SEMA4B: variants seen among roughly 807,000 people sequenced by gnomAD.
The protein encoded by SEMA4B is semaphorin 4B.
Under a neutral mutation model 88.1 loss-of-function variants are expected in SEMA4B, and 55 were observed. The observed-to-expected ratio is 0.62, with a 90% CI of 0.50 to 0.78. The LOEUF (loss-of-function observed/expected upper bound fraction) is 0.78. Ranked by LOEUF, SEMA4B falls within the 30% of genes least tolerant of loss-of-function variation. The pLI, the probability that SEMA4B is intolerant of heterozygous loss-of-function variation, is 0.00. For synonymous variants in SEMA4B, 525 were observed against 473.6 expected, an observed-to-expected ratio of 1.11 and a Z score of -1.41; for missense variants, 1,062 against 1,111.9, an observed-to-expected ratio of 0.96 and a Z score of 0.64.
rs575679583 is a variant in SEMA4B, at chr15:90,186,822, A to C, written c.-122+1741A>C. ...GTGGTGGGCGCCTGTAGTCCCAGCTACTCGCGAGGCTGAGACAGAAGAATG... is the reference window on the plus strand; with the variant it reads ...GTGGTGGGCGCCTGTAGTCCCAGCTCCTCGCGAGGCTGAGACAGAAGAATG... On this transcript the variant is annotated intron_variant, in intron 1 of 14. Transcript: ENST00000332496. Among the ~76,000 whole-genome samples the C allele has an allele frequency of 2.2e-4, 34 of 151,900 alleles. No homozygotes were observed. In the South Asian group the frequency reaches 5.6e-3, roughly 25 times the overall value.
chr15:90,228,710 A>T lies in SEMA4B; in HGVS notation c.*67A>T. On this transcript the variant is annotated 3_prime_UTR_variant, in exon 14 of 14. Transcript: ENST00000411539. ...TGAATGCTCGGAGAGGGTCAACTGGACCTCCCCTCCGCTCTGCTCTTCGTG... is the reference window on the plus strand; with the variant it reads ...TGAATGCTCGGAGAGGGTCAACTGGTCCTCCCCTCCGCTCTGCTCTTCGTG... The T allele has an allele frequency of 6.3e-7, 1 of 1,588,226 alleles. No individual in the cohort carries two copies.
intron 1 of SEMA4B, among the ~76,000 whole-genome samples, chr15:90,211,244 A>G (rs1342241011): frequency 6.6e-6 from 1 of 152,130 alleles, no homozygotes; most frequent in East Asian, 1.9e-4. Flanking sequence ...CACCCATGGC[A>G]CAGGCCCTAG....
At chr15:90,200,063 C>T (rs753283741), upstream of SEMA4B, among the ~76,000 whole-genome samples, 1 of 152,178 alleles carries the variant, frequency 6.6e-6, no homozygotes, top group Non-Finnish European at 1.5e-5. Flanking sequence ...ACCATGTCCA[C>T]AGAAGGTGAT....
rs1191958665 is a variant in SEMA4B at position 90,228,868 on chromosome 15, G to A, written c.*225G>A. 1.3e-5 allele frequency: 8 copies of A among 605,940 alleles called. No individual in the cohort carries two copies. Among genetic ancestry groups the A allele is most frequent in the Admixed American group, 1.2e-4 (4 of 32,446 alleles). The allele number at this position is 605,940 out of a possible 1,614,324, so 37.5% of individuals were successfully genotyped here. A position where few individuals can be genotyped will look rare whatever the true frequency, so the allele number is the denominator to read the frequency against. The stretch of plus-strand genomic sequence containing the variant: ...CCCCAGAGGTCCTGGCCAAATATGG[G>A]GGCCTGCCTAGGTTGGTGGAACAGT... On this transcript the variant is annotated 3_prime_UTR_variant, in exon 14 of 14. Transcript: ENST00000411539.
At chr15:90,198,677 C>T (rs2151589986), upstream of SEMA4B, among the ~76,000 whole-genome samples, 1 of 152,068 alleles carries the variant, frequency 6.6e-6, no homozygotes, top group East Asian at 1.9e-4. Context: ...GTCAAAGGCC[C>T]TGCTGGTTCG....
chr15:90,225,376 T>C lies in SEMA4B; in HGVS notation c.1500T>C (p.Asn500=), dbSNP rs1179531324. Residue 500 remains asparagine (N), a synonymous_variant, in exon 11 of 14, where the codon AAT becomes AAC. Transcript: ENST00000411539. ...QIFSSGQPVQ[N]LLLDTHRGLL... ...TCTCATCGGGACAGCCCGTGCAGAA[T>C]CTGCTCCTGGACACCCACAGGGTGA... 7 of 1,552,142 alleles carry C rather than the reference T, an allele frequency of 4.5e-6. No homozygotes were observed. Among genetic ancestry groups the C allele is most frequent in the East Asian group, 2.4e-5 (1 of 41,110 alleles).
rs374692659 is a variant in SEMA4B at position 90,221,381 on chromosome 15, A to T, written c.610A>T (p.Thr204Ser). The T allele has an allele frequency of 1.3e-6, 2 of 1,565,654 alleles. No individual in the cohort carries two copies. Among genetic ancestry groups the T allele is most frequent in the Non-Finnish European group, 1.7e-6 (2 of 1,156,210 alleles). Residue 204 changes from threonine (T) to serine (S), a missense_variant, in exon 6 of 14, where the codon ACT becomes TCT. Transcript: ENST00000411539. ...TTTCTTGGCAGATGGCGAGCTCTAC[A>T]CTGGAACAGTCAGCAGCTTCCAAGG... ...TALVVDGELY[T>S]GTVSSFQGND...
chr15:90,221,455 C>A lies in SEMA4B; in HGVS notation c.684C>A (p.Thr228=), dbSNP rs779604538. Residue 228 remains threonine (T), a synonymous_variant, in exon 6 of 14, where the codon ACC becomes ACA. Coordinates refer to ENST00000411539, the MANE Select transcript of SEMA4B (RefSeq NM_198925.4). The part of the protein sequence containing the change: ...SRSQSLRPTK[T]ESSLNWLQDP... Reference sequence around the variant, plus strand: ...GCCAAAGCCTTCGCCCCACCAAGACCGAGAGCTCCCTCAACTGGCTGCAAG... The same window carrying A: ...GCCAAAGCCTTCGCCCCACCAAGACAGAGAGCTCCCTCAACTGGCTGCAAG... 3 of 1,591,192 alleles carry A rather than the reference C, an allele frequency of 1.9e-6. No individual in the cohort carries two copies. Among genetic ancestry groups the A allele is most frequent in the Admixed American group, 3.6e-5 (2 of 55,880 alleles).
intron 7 of SEMA4B, among the ~76,000 whole-genome samples, chr15:90,222,170 G>A (rs1164049205): frequency 6.7e-6 from 1 of 149,996 alleles, no homozygotes; most frequent in Non-Finnish European, 1.5e-5. Context: ...AAACTCCTGG[G>A]CTCAAACAAT....
chr15:90,189,175 G>C (rs60209970), intron 1 of SEMA4B, among the ~76,000 whole-genome samples: 1 of 151,842 alleles, frequency 6.6e-6, no homozygotes, highest in East Asian at 1.9e-4. Context: ...AAAAGGGAAG[G>C]AAGGGAGAGG....
At chr15:90,219,075 A>G (rs567465397) in intron 3 of SEMA4B, 2 of 152,456 alleles carry the variant, frequency 1.3e-5, no homozygotes, top group Admixed American at 1.3e-4. Context: ...CTACTGTGGT[A>G]GAGAAGCCTC....
At chr15:90,218,561 G>T (rs1221370390) in intron 3 of SEMA4B, among the ~76,000 whole-genome samples, 1 of 152,226 alleles carries the variant, frequency 6.6e-6, no homozygotes, top group African/African-American at 2.4e-5. Context: ...GCTGAGGCAG[G>T]TGGATCACAA....
rs926222444 is a variant in SEMA4B at position 90,225,396 on chromosome 15, G to C, written c.1520G>C (p.Arg507Thr). 5 of 1,550,364 alleles carry C rather than the reference G, an allele frequency of 3.2e-6. No individual in the cohort carries two copies. Among genetic ancestry groups the C allele is most frequent in the Non-Finnish European group, 3.5e-6 (4 of 1,147,238 alleles). ...CAGAATCTGCTCCTGGACACCCACA[G>C]GGTGAGCAGGCCAACGAGGAATCCT... ...PVQNLLLDTH[R>T]GLLYAASHSG... Residue 507 changes from arginine to threonine, a missense_variant and splice_region_variant, in exon 11 of 14, where the codon AGG (arginine) becomes ACG (threonine). Coordinates refer to ENST00000411539, the MANE Select transcript of SEMA4B (RefSeq NM_198925.4).
At chr15:90,196,553 C>A (rs1960513525), upstream of SEMA4B, among the ~76,000 whole-genome samples, 1 of 152,106 alleles carries the variant, frequency 6.6e-6, no homozygotes, top group Non-Finnish European at 1.5e-5. Flanking sequence ...GTGGCGTGAT[C>A]TCGGATCACT....
intron 1 of SEMA4B, among the ~76,000 whole-genome samples, chr15:90,211,552 A>T (rs982772356): frequency 6.6e-6 from 1 of 152,166 alleles, no homozygotes; most frequent in Non-Finnish European, 1.5e-5. Context: ...GCCCTGCCCA[A>T]CACGGGCCGT....
Position 90,221,112 on chromosome 15 carries a change from A to T in SEMA4B, c.595+19A>T. 1 of 1,555,980 alleles carries T rather than the reference A, an allele frequency of 6.4e-7. No individual in the cohort carries two copies. The highest frequency in any genetic ancestry group is 1.2e-5 in the South Asian group (1 of 86,368). On this transcript the variant is annotated intron_variant, in intron 5 of 13. Coordinates refer to ENST00000411539, the MANE Select transcript of SEMA4B (RefSeq NM_198925.4). ...GTGGTTGGTGAGTGTTGAGGGCAGG[A>T]TGGCTTCATTGAGGTTCCATGTAGG...
intron 3 of SEMA4B, 144 bp downstream of exon 3, chr15:90,217,973 TTTG>T: frequency 1.5e-6 from 1 of 669,810 alleles, no homozygotes; most frequent in Non-Finnish European, 2.6e-6. Flanking sequence ...CCGGCCTGGG[TTTG>T]AATCCCAGCA....
chr15:90,200,978 G>A, upstream of SEMA4B, among the ~76,000 whole-genome samples: 1 of 152,206 alleles, frequency 6.6e-6, no homozygotes, highest in East Asian at 1.9e-4. Flanking sequence ...CTAAAGGGAG[G>A]AGACCAAGGC....
chr15:90,215,207 A>AGT lies in SEMA4B; in HGVS notation c.158-2221_158-2220dup, dbSNP rs771618669. Among the ~76,000 whole-genome samples, 43 of 141,684 alleles carry AGT rather than the reference A, an allele frequency of 3.0e-4. No homozygotes were observed. The East Asian group carries it at 7.1e-3, about 23-fold the overall frequency. The allele number at this position is 141,684 out of a possible 152,430, so 93.0% of individuals were successfully genotyped here. ...AGCATAAACAGTACCCTGGTGGGTA[A>AGT]GTGTGTGTGTGTTTCTTTTTTTTTT... On this transcript the variant is annotated intron_variant, in intron 1 of 13. Coordinates refer to ENST00000411539, the MANE Select transcript of SEMA4B (RefSeq NM_198925.4).
Sources: gnomAD v4.1 joint callset for allele counts (sites outside exome capture counted in the v4.1 genomes callset) on GRCh38, gnomAD v4.1.1 for gene constraint, MANE v1.5 for transcripts, NCBI Gene and HGNC (gene_info 2026-07-23, HGNC 2026-07-21) for gene names.